ONECUT1: variants seen among roughly 807,000 people sequenced by gnomAD.
The protein encoded by ONECUT1 is hepatocyte nuclear factor 6.
A neutral mutation model predicts 25.6 loss-of-function variants in ONECUT1; 12 were observed. The observed-to-expected ratio is 0.47, with a 90% confidence interval of 0.30 to 0.76. The LOEUF (loss-of-function observed/expected upper bound fraction) is 0.76. Ranked by LOEUF, ONECUT1 falls within the 30% of genes least tolerant of loss-of-function variation. ONECUT1 has a pLI of 0.07. For synonymous variants in ONECUT1, 285 were observed against 270.2 expected, an observed-to-expected ratio of 1.05 and a Z score of -0.54; for missense variants, 620 against 651.2, an observed-to-expected ratio of 0.95 and a Z score of 0.52.
chr15:52,769,657 C>G (rs2083754968), intron 1 of ONECUT1, among the ~76,000 whole-genome samples: 1 of 152,136 alleles, frequency 6.6e-6, no homozygotes, highest in Non-Finnish European at 1.5e-5. Flanking sequence ...ACTAGAGCAA[C>G]AGAGCTGGAG....
intron 1 of ONECUT1, among the ~76,000 whole-genome samples, chr15:52,777,062 A>G (rs2083805653): frequency 6.6e-6 from 1 of 152,220 alleles, no homozygotes; most frequent in South Asian, 2.1e-4. Context: ...GAACATTAAT[A>G]ACTTTTTTAG....
intron 1 of ONECUT1, among the ~76,000 whole-genome samples, chr15:52,779,764 C>G (rs1019846547): frequency 3.9e-5 from 6 of 152,226 alleles, no homozygotes; most frequent in Non-Finnish European, 7.3e-5. Flanking sequence ...ATATGGCAAA[C>G]TAGCCTCCGT....
chr15:52,779,782 C>T (rs1272709755), intron 1 of ONECUT1, among the ~76,000 whole-genome samples: 1 of 152,196 alleles, frequency 6.6e-6, no homozygotes, highest in Non-Finnish European at 1.5e-5. Context: ...CGTGACTTGA[C>T]GGTTTCTAAT....
chr15:52,761,013 T>TG (rs2083702795), intron 1 of ONECUT1, among the ~76,000 whole-genome samples: 1 of 6,390 alleles, frequency 1.6e-4, no homozygotes, highest in Non-Finnish European at 2.8e-4. Flanking sequence ...TATGCCACTC[T>TG]GGGGTGGGGT....
chr15:52,762,319 G>T (rs898809334), intron 1 of ONECUT1, among the ~76,000 whole-genome samples: 2 of 152,178 alleles, frequency 1.3e-5, no homozygotes, highest in Non-Finnish European at 2.9e-5. Flanking sequence ...AAGATGGTTT[G>T]CAGATTAAGG....
chr15:52,763,782 A>G (rs2083719080), intron 1 of ONECUT1, among the ~76,000 whole-genome samples: 1 of 152,220 alleles, frequency 6.6e-6, no homozygotes, highest in South Asian at 2.1e-4. Context: ...GTGAACCACT[A>G]CTGACCTGCA....
At chr15:52,761,589 T>C (rs149945011) in intron 1 of ONECUT1, among the ~76,000 whole-genome samples, 25 of 152,292 alleles carry the variant, frequency 1.6e-4, no homozygotes, top group African/African-American at 6.0e-4. Flanking sequence ...GAGAATTGCT[T>C]GAACCCAGGA....
intron 1 of ONECUT1, among the ~76,000 whole-genome samples, chr15:52,783,726 G>A (rs2083855940): frequency 6.6e-6 from 1 of 152,196 alleles, no homozygotes; most frequent in Admixed American, 6.5e-5. Context: ...GGACCGCCAG[G>A]GTCACCTTCT....
intron 1 of ONECUT1, among the ~76,000 whole-genome samples, chr15:52,777,682 T>C (rs2083809569): frequency 7.5e-6 from 1 of 132,798 alleles, no homozygotes. Flanking sequence ...CACCTTAAAC[T>C]CCTCCTTCCT....
At chr15:52,767,380 T>G (rs2083740775) in intron 1 of ONECUT1, among the ~76,000 whole-genome samples, 1 of 152,210 alleles carries the variant, frequency 6.6e-6, no homozygotes, top group Admixed American at 6.5e-5. Context: ...GTTTTCCCTG[T>G]GATAGAGGCT....
rs1331686928 is a variant in ONECUT1 at position 52,756,732 on chromosome 15, C to T, written c.*823G>A. 6.6e-6 allele frequency among the ~76,000 whole-genome samples: 1 copy of T among 152,146 alleles called. No homozygotes were observed. Among genetic ancestry groups the T allele is most frequent in the Non-Finnish European group, 1.5e-5 (1 of 68,026 alleles). ...AGAGTCATAAATAATAGTCATGATTCTATGTGGCATGTGTATTACAGCTAG... is the reference window on the plus strand; with the variant it reads ...AGAGTCATAAATAATAGTCATGATTTTATGTGGCATGTGTATTACAGCTAG... On this transcript the variant is annotated 3_prime_UTR_variant, in exon 2 of 2. Transcript: ENST00000305901.
At chr15:52,786,346 C>G (rs1334211040) in intron 1 of ONECUT1, among the ~76,000 whole-genome samples, 3 of 152,260 alleles carry the variant, frequency 2.0e-5, no homozygotes, top group Non-Finnish European at 2.9e-5. Flanking sequence ...AGTCCTAGCC[C>G]TTTCCACCAT....
In ONECUT1 at chr15:52,785,505, C is replaced by G. The variant is rs1036981768; in HGVS notation, c.1105+3275G>C. ...GCCCAACACCCACCCCCGCCCGAAC[C>G]TCGGGCCTGCGCGCCGCCTTCCCCT... On this transcript the variant is annotated intron_variant, in intron 1 of 1. Coordinates refer to ENST00000305901, the MANE Select transcript of ONECUT1 (RefSeq NM_004498.4). Among the ~76,000 whole-genome samples the G allele has an allele frequency of 1.2e-4, 19 of 152,372 alleles. 1 individual carries two copies. Among genetic ancestry groups the G allele is most frequent in the African/African-American group, 4.6e-4 (19 of 41,600 alleles).
At chr15:52,777,732 ACAC>A (rs1339623389) in intron 1 of ONECUT1, among the ~76,000 whole-genome samples, 32 of 128,558 alleles carry the variant, frequency 2.5e-4, no homozygotes, top group African/African-American at 5.7e-4. Flanking sequence ...ACACACACAC[ACAC>A]ACAAAAAAAC....
At chr15:52,781,450 TAG>T (rs772730988) in intron 1 of ONECUT1, among the ~76,000 whole-genome samples, 2 of 152,234 alleles carry the variant, frequency 1.3e-5, no homozygotes, top group Non-Finnish European at 2.9e-5. Flanking sequence ...GCTTATTATG[TAG>T]AGACTTTTGA....
intron 1 of ONECUT1, among the ~76,000 whole-genome samples, chr15:52,764,100 C>A (rs2083720837): frequency 6.6e-6 from 1 of 152,100 alleles, no homozygotes; most frequent in South Asian, 2.1e-4. Flanking sequence ...CTTAATGATA[C>A]AAAGGACTTT....
At chr15:52,787,130 A>G (rs1295150768) in intron 1 of ONECUT1, 1 of 152,250 alleles carries the variant, frequency 6.6e-6, no homozygotes, top group Non-Finnish European at 1.5e-5. Context: ...CACAAGAGCT[A>G]GAGAGTGGAA....
In ONECUT1 at chr15:52,790,014, T is replaced by C. The variant is rs1026966513; in HGVS notation, c.-130A>G. On this transcript the variant is annotated 5_prime_UTR_variant, in exon 1 of 2. Coordinates refer to ENST00000305901, the MANE Select transcript of ONECUT1 (RefSeq NM_004498.4). ...GCCTTCCTTCCTCTCACTGTGGGGCTCTGTCTCTCTCTCTCTCTCTCTCCG... is the reference window on the plus strand; with the variant it reads ...GCCTTCCTTCCTCTCACTGTGGGGCCCTGTCTCTCTCTCTCTCTCTCTCCG... The C allele has an allele frequency of 1.9e-5, 25 of 1,330,848 alleles. No individual in the cohort carries two copies. Among genetic ancestry groups the C allele is most frequent in the Non-Finnish European group, 2.4e-5 (25 of 1,034,112 alleles). The allele number at this position is 1,330,848 out of a possible 1,614,324, so 82.4% of individuals were successfully genotyped here.
At chr15:52,758,237 A>C (rs1827668073) in intron 1 of ONECUT1, among the ~76,000 whole-genome samples, 1 of 152,188 alleles carries the variant, frequency 6.6e-6, no homozygotes. Context: ...GTGTTGTGGT[A>C]TGAAATAGTG....
Sources: allele counts gnomAD v4.1 joint callset (sites outside exome capture counted in the v4.1 genomes callset), GRCh38; gene constraint gnomAD v4.1.1; transcripts MANE v1.5; gene names NCBI Gene and HGNC (gene_info 2026-07-23, HGNC 2026-07-21).